Variants in ARHGEF7 observed in about 807,000 individuals in gnomAD.
ARHGEF7 encodes the protein PAK-interacting exchange factor beta.
In ARHGEF7, 33 loss-of-function variants were observed where a neutral mutation model predicts 109.8. The observed-to-expected ratio is 0.30, with a 90% CI of 0.23 to 0.40. The LOEUF (loss-of-function observed/expected upper bound fraction) is 0.40. ARHGEF7 is among the 10% of genes least tolerant of loss of function. The pLI is 1.00. For synonymous variants in ARHGEF7, 458 were observed against 424.6 expected, an observed-to-expected ratio of 1.08 and a Z score of -0.97; for missense variants, 938 against 1,098.5, an observed-to-expected ratio of 0.85 and a Z score of 2.07.
At chr13:111,265,637 T>G (rs2091560207) in intron 8 of ARHGEF7, 1 of 456,480 alleles carries the variant, frequency 2.2e-6, no homozygotes, top group African/African-American at 2.0e-5. Context: ...GGAGCCAGAG[T>G]GTGCTGTGGT....
intron 6 of ARHGEF7, among the ~76,000 whole-genome samples, chr13:111,241,696 C>T (rs1207545048): frequency 1.3e-5 from 2 of 152,108 alleles, no homozygotes; most frequent in Non-Finnish European, 2.9e-5. Flanking sequence ...TTCTCATATT[C>T]GTGCTAGTGA....
rs139809263 is a variant in ARHGEF7, at chr13:111,148,464, T to C, written c.166-5441T>C. Among the ~76,000 whole-genome samples, 382 of 152,334 alleles carry C rather than the reference T, an allele frequency of 2.5e-3. 1 individual carries two copies. Among genetic ancestry groups the C allele is most frequent in the African/African-American group, 8.9e-3 (369 of 41,574 alleles). On this transcript the variant is annotated intron_variant, in intron 1 of 21. Transcript: ENST00000646102. ...CCCATGTACATGTACAGAAATATTT[T>C]TCAAGGGATATGCAGGCACAGGATG...
At chr13:111,115,878 AGGGGGAGGGGGCCGGGGAGCGGGGTCG>A (rs2066711361) in intron 1 of ARHGEF7, among the ~76,000 whole-genome samples, 187 bp downstream of exon 1, 1 of 76,392 alleles carries the variant, frequency 1.3e-5, no homozygotes, top group Non-Finnish European at 3.1e-5. Flanking sequence ...TGTGCGGGGC[AGGGGGAGGGGGCCGGGGAGCGGGGTCG>A]GGGGGAGGGG....
At chr13:111,241,449 GA>G in intron 6 of ARHGEF7, 1 of 1,108,004 alleles carries the variant, frequency 9.0e-7, no homozygotes, top group Admixed American at 2.3e-5. Flanking sequence ...TGTGTTTGAG[GA>G]AAAGTTAAGT....
intron 2 of ARHGEF7, among the ~76,000 whole-genome samples, chr13:111,176,213 AATG>A (rs2078148574): frequency 6.6e-6 from 1 of 152,190 alleles, no homozygotes; most frequent in African/African-American, 2.4e-5. Flanking sequence ...ATTTTAGTCT[AATG>A]ATGGCCAGAA....
chr13:111,129,586 A>C (rs1271334209), intron 1 of ARHGEF7, among the ~76,000 whole-genome samples: 2 of 152,268 alleles, frequency 1.3e-5, no homozygotes, highest in Non-Finnish European at 2.9e-5. Context: ...TCACCACAAA[A>C]TATGTACAGA....
intron 5 of ARHGEF7, among the ~76,000 whole-genome samples, chr13:111,230,921 CTTTTGAAAACT>C (rs1020129690): frequency 2.0e-5 from 3 of 152,100 alleles, no homozygotes; most frequent in Non-Finnish European, 4.4e-5. Flanking sequence ...GAAGCTTTTT[CTTTTGAAAACT>C]TTTTTCTTAC....
intron 8 of ARHGEF7, among the ~76,000 whole-genome samples, chr13:111,253,918 ACAT>A (rs1174313931): frequency 1.6e-4 from 24 of 152,348 alleles, no homozygotes; most frequent in Non-Finnish European, 1.5e-5. Context: ...ACCATGTGAT[ACAT>A]GGGACGCCTT....
chr13:111,120,223 G>T (rs984731864), intron 1 of ARHGEF7, among the ~76,000 whole-genome samples: 1 of 152,190 alleles, frequency 6.6e-6, no homozygotes, highest in African/African-American at 2.4e-5. Context: ...AACTGCATTT[G>T]CTGGCTCACT....
chr13:111,294,085 A>G, intron 19 of ARHGEF7: 1 of 985,478 alleles, frequency 1.0e-6, no homozygotes. Context: ...AAAAATAAGA[A>G]CATTGAGGAG....
intron 13 of ARHGEF7, among the ~76,000 whole-genome samples, chr13:111,278,386 G>A (rs1056271924): frequency 6.6e-5 from 10 of 152,114 alleles, no homozygotes; most frequent in South Asian, 2.1e-4. Context: ...CAGTCACCAC[G>A]TAACCACTGC....
rs77021245 is a variant in ARHGEF7, at chr13:111,132,557, A to G, written c.165+16866A>G. The stretch of plus-strand genomic sequence containing the variant: ...CATGTTGAGGACTATTGTTGTGAGA[A>G]TGTTATGAATACACTTGTGTCTCTC... On this transcript the variant is annotated intron_variant, in intron 1 of 21. Transcript: ENST00000646102. Among the ~76,000 whole-genome samples the G allele has an allele frequency of 9.6e-3, 1,455 of 152,314 alleles. 9 individuals carry two copies. Among genetic ancestry groups the G allele is most frequent in the Non-Finnish European group, 0.016 (1,103 of 68,028 alleles).
intron 4 of ARHGEF7, 102 bp from the exon 5 acceptor site, chr13:111,217,577 T>G (rs192320356): frequency 7.2e-6 from 8 of 1,113,172 alleles, no homozygotes; most frequent in Non-Finnish European, 1.1e-5. Flanking sequence ...TTTCTACTGT[T>G]GGGCAATTAT....
intron 8 of ARHGEF7, among the ~76,000 whole-genome samples, chr13:111,254,502 T>C (rs1869057224): frequency 7.1e-6 from 1 of 140,664 alleles, no homozygotes; most frequent in African/African-American, 2.8e-5. Flanking sequence ...GGATTCGGGC[T>C]AAGGCGCTGA....
intron 7 of ARHGEF7, 108 bp from the exon 8 acceptor site, chr13:111,244,088 GACA>G: frequency 8.4e-7 from 1 of 1,196,238 alleles, no homozygotes; most frequent in Non-Finnish European, 1.2e-6. Flanking sequence ...GTTTGCCTTA[GACA>G]TCAGCTGTTT....
chr13:111,148,337 G>A (rs1418990602), intron 1 of ARHGEF7, among the ~76,000 whole-genome samples: 1 of 152,230 alleles, frequency 6.6e-6, no homozygotes, highest in Non-Finnish European at 1.5e-5. Context: ...TTGTTATACA[G>A]CCAGGCACTA....
chr13:111,221,551 CTATATATCTATATATATA>C (rs2084333688), intron 5 of ARHGEF7, among the ~76,000 whole-genome samples: 2 of 58,720 alleles, frequency 3.4e-5, no homozygotes, highest in Non-Finnish European at 6.3e-5. Flanking sequence ...AGATACATAT[CTATATATCTATATATATA>C]GATACATATC....
intron 1 of ARHGEF7, among the ~76,000 whole-genome samples, chr13:111,142,020 C>T (rs535922907): frequency 1.3e-5 from 2 of 152,334 alleles, no homozygotes; most frequent in South Asian, 4.1e-4. Flanking sequence ...TTTGGCCATT[C>T]TAATAGGTAT....
At chr13:111,216,797 T>G (rs2153487553) in intron 4 of ARHGEF7, among the ~76,000 whole-genome samples, 1 of 152,298 alleles carries the variant, frequency 6.6e-6, no homozygotes, top group Non-Finnish European at 1.5e-5. Context: ...AGGCTTCTCC[T>G]AGGGTTGTCA....
Sources: gnomAD v4.1 joint callset for allele counts (sites outside exome capture counted in the v4.1 genomes callset) on GRCh38, gnomAD v4.1.1 for gene constraint, MANE v1.5 for transcripts, NCBI Gene and HGNC (gene_info 2026-07-23, HGNC 2026-07-21) for gene names.